The following FOXJ3 variants were observed in gnomAD, a reference collection of about 807,000 sequenced individuals.
FOXJ3 encodes forkhead box J3.
Under a neutral mutation model 76.1 loss-of-function variants are expected in FOXJ3, and 22 were observed. The ratio of observed to expected loss-of-function variants is 0.29; its 90% CI spans 0.21 to 0.41. The LOEUF is 0.41. Among genes scored for constraint, FOXJ3 ranks in the 10% least tolerant of loss-of-function variants. The pLI, the probability that FOXJ3 is intolerant of heterozygous loss-of-function variation, is 1.00. For synonymous variants in FOXJ3, 269 were observed against 261.2 expected (o/e 1.03, Z -0.29); for missense variants, 613 against 762.1 (o/e 0.80, Z 2.30).
intron 2 of FOXJ3, among the ~76,000 whole-genome samples, chr1:42,288,160 A>C (rs982713151): frequency 6.6e-6 from 1 of 152,204 alleles, no homozygotes; most frequent in Non-Finnish European, 1.5e-5. Context: ...TTTGCATTTA[A>C]ATCTCACCCT....
At chr1:42,267,469 G>C (rs1485372089) in intron 3 of FOXJ3, among the ~76,000 whole-genome samples, 1 of 151,992 alleles carries the variant, frequency 6.6e-6, no homozygotes, top group African/African-American at 2.4e-5. Context: ...ATCCCCACAA[G>C]AACGGCCTGA....
At chr1:42,185,717 A>G (rs962076716) in intron 11 of FOXJ3, among the ~76,000 whole-genome samples, 6 of 152,092 alleles carry the variant, frequency 3.9e-5, no homozygotes, top group African/African-American at 1.5e-4. Context: ...CAACGCATCA[A>G]ATTAGAATAG....
intron 5 of FOXJ3, among the ~76,000 whole-genome samples, chr1:42,219,458 G>A (rs924589983): frequency 6.6e-6 from 1 of 152,284 alleles, no homozygotes; most frequent in African/African-American, 2.4e-5. Flanking sequence ...GGCAGCCACT[G>A]GGGGTCTTGG....
intron 6 of FOXJ3, among the ~76,000 whole-genome samples, chr1:42,200,796 T>G (rs538793874): frequency 6.6e-6 from 1 of 152,172 alleles, no homozygotes; most frequent in African/African-American, 2.4e-5. Flanking sequence ...AATATTTCCT[T>G]TAGCTACCGT....
At chr1:42,333,582 A>T (rs933999473) in intron 1 of FOXJ3, among the ~76,000 whole-genome samples, 1 of 152,218 alleles carries the variant, frequency 6.6e-6, no homozygotes, top group Non-Finnish European at 1.5e-5. Context: ...ACTCAGAAAA[A>T]GAGAGGAGTT....
chr1:42,180,524 CTTTCT>C (rs1026762655), intron 12 of FOXJ3, among the ~76,000 whole-genome samples: 1 of 152,052 alleles, frequency 6.6e-6, no homozygotes, highest in Non-Finnish European at 1.5e-5. Context: ...TTGTAGAATT[CTTTCT>C]TTTATTACAA....
At chr1:42,294,952 C>T in intron 2 of FOXJ3, among the ~76,000 whole-genome samples, 1 of 152,182 alleles carries the variant, frequency 6.6e-6, no homozygotes, top group East Asian at 1.9e-4. Flanking sequence ...AGAGAATAAA[C>T]TATCCTTGTA....
At chr1:42,323,728 G>C in intron 1 of FOXJ3, 1 of 973,076 alleles carries the variant, frequency 1.0e-6, no homozygotes, top group East Asian at 1.1e-4. Context: ...TGCATGCACA[G>C]GTACTCAAGA....
chr1:42,243,773 A>C (rs1327154865), intron 4 of FOXJ3, among the ~76,000 whole-genome samples: 5 of 152,242 alleles, frequency 3.3e-5, no homozygotes, highest in Non-Finnish European at 7.3e-5. Context: ...ACGTATAACA[A>C]GTATCAAACA....
At chr1:42,319,038 C>G (rs1417530100) in intron 1 of FOXJ3, among the ~76,000 whole-genome samples, 1 of 152,132 alleles carries the variant, frequency 6.6e-6, no homozygotes, top group Non-Finnish European at 1.5e-5. Flanking sequence ...CAAGACCAGT[C>G]TGGGCAACAT....
chr1:42,284,165 G>A (rs1652906068), intron 2 of FOXJ3, among the ~76,000 whole-genome samples: 1 of 152,254 alleles, frequency 6.6e-6, no homozygotes, highest in South Asian at 2.1e-4. Flanking sequence ...TCCTAACATA[G>A]AGAATTTAGG....
chr1:42,192,367 G>A (rs1419329919), intron 8 of FOXJ3, among the ~76,000 whole-genome samples: 4 of 152,190 alleles, frequency 2.6e-5, no homozygotes, highest in African/African-American at 9.7e-5. Context: ...TGTACTACGT[G>A]CCTGTGAGCA....
chr1:42,232,975 G>T (rs1409215775), intron 4 of FOXJ3, among the ~76,000 whole-genome samples: 1 of 148,442 alleles, frequency 6.7e-6, no homozygotes, highest in Non-Finnish European at 1.5e-5. Context: ...TTTTGTATAA[G>T]GTGTAAGGAA....
intron 4 of FOXJ3, among the ~76,000 whole-genome samples, chr1:42,229,222 G>C (rs961056690): frequency 6.6e-6 from 1 of 152,118 alleles, no homozygotes; most frequent in Non-Finnish European, 1.5e-5. Flanking sequence ...CCCTCTGCAA[G>C]ATCTCTACAC....
intron 1 of FOXJ3, among the ~76,000 whole-genome samples, chr1:42,324,253 TATATATACAC>T (rs1655683914): frequency 1.6e-5 from 1 of 63,534 alleles, no homozygotes; most frequent in Admixed American, 2.2e-4. Context: ...ATATATACAC[TATATATACAC>T]ATATATACAC....
intron 2 of FOXJ3, among the ~76,000 whole-genome samples, chr1:42,287,753 G>C (rs1653152000): frequency 6.6e-6 from 1 of 152,098 alleles, no homozygotes; most frequent in Non-Finnish European, 1.5e-5. Flanking sequence ...TTGAGCCCAG[G>C]AGTTCAAGAT....
At chr1:42,181,289 C>G (rs879524888) in intron 12 of FOXJ3, among the ~76,000 whole-genome samples, 21 of 152,328 alleles carry the variant, frequency 1.4e-4, no homozygotes, top group Admixed American at 6.5e-4. Context: ...CCAGCTCTAA[C>G]AATGTGCCGT....
intron 5 of FOXJ3, among the ~76,000 whole-genome samples, chr1:42,213,156 C>T (rs1647000165): frequency 6.6e-6 from 1 of 151,868 alleles, no homozygotes; most frequent in Admixed American, 6.6e-5. Context: ...GCTTGTGAAA[C>T]AATAACACAA....
At position 42,286,666 on chromosome 1, in the gene FOXJ3, C is replaced by T. The variant is rs531434745; in HGVS notation, c.45-7994G>A. Among the ~76,000 whole-genome samples, 8 of 152,274 alleles carry T rather than the reference C, an allele frequency of 5.3e-5. No homozygotes were observed. The East Asian group carries it at 1.5e-3, about 29-fold the overall frequency. On this transcript the variant is annotated intron_variant, in intron 2 of 12. Transcript: ENST00000361346. ...TTTTCTTTTTTGAGACGGAGTTTCA[C>T]TCCTGTCGCCCAGGCTGGAGTGCAA...
Sources: gnomAD v4.1 joint callset for allele counts (sites outside exome capture counted in the v4.1 genomes callset) on GRCh38, gnomAD v4.1.1 for gene constraint, MANE v1.5 for transcripts, NCBI Gene and HGNC (gene_info 2026-07-23, HGNC 2026-07-21) for gene names.